The following AFAP1 variants were observed in gnomAD, a reference collection of about 807,000 sequenced individuals.
AFAP1 encodes the protein actin filament associated protein 1.
In AFAP1, 75 loss-of-function variants were observed where a neutral mutation model predicts 93.9. The ratio of observed to expected loss-of-function variants is 0.80; its 90% CI spans 0.66 to 0.97. AFAP1 has a LOEUF of 0.97. AFAP1 is among the 50% of genes least tolerant of loss of function. The probability of loss-of-function intolerance (pLI) is 0.00; values close to 1 mark genes in which losing one functional copy is unlikely to be tolerated. For synonymous variants in AFAP1, 517 were observed against 430.7 expected (o/e 1.20, Z -2.48); for missense variants, 1,201 against 1,050.8 (o/e 1.14, Z -1.98).
chr4:7,786,367 A>G lies in AFAP1; in HGVS notation c.1413-56T>C, dbSNP rs1220173248. On this transcript the variant is annotated intron_variant, in intron 11 of 17. Coordinates refer to ENST00000420658, the MANE Select transcript of AFAP1 (RefSeq NM_001134647.2). ...AACCTGACCACCTTTTACTCCAATCAGTCAAGTCTTTAATGAGTTCTGACT... is the reference window on the plus strand; with the variant it reads ...AACCTGACCACCTTTTACTCCAATCGGTCAAGTCTTTAATGAGTTCTGACT... 8.3e-6 allele frequency: 12 copies of G among 1,439,884 alleles called. No homozygotes were observed. In the East Asian group the frequency reaches 2.7e-4, roughly 33 times the overall value. 89.2% of individuals were successfully genotyped at this position (1,439,884 alleles called of 1,614,324 possible).
At chr4:7,895,852 GTTTTT>G (rs35666187) in intron 1 of AFAP1, among the ~76,000 whole-genome samples, 4 of 110,628 alleles carry the variant, frequency 3.6e-5, no homozygotes, top group East Asian at 5.3e-4. Context: ...TCTTCAGAAA[GTTTTT>G]TTTTTTTTTT....
chr4:7,769,322 C>T (rs1378649652), intron 16 of AFAP1, among the ~76,000 whole-genome samples: 2 of 152,192 alleles, frequency 1.3e-5, no homozygotes, highest in African/African-American at 4.8e-5. Flanking sequence ...CTCTTGCATG[C>T]AGCTGCTGCC....
At chr4:7,809,330 A>T (rs1197910958) in intron 9 of AFAP1, 1 of 223,460 alleles carries the variant, frequency 4.5e-6, no homozygotes, top group Non-Finnish European at 8.6e-6. Flanking sequence ...GTCCTTTAAA[A>T]ACACTTCCAA....
chr4:7,843,421 A>G, intron 4 of AFAP1, 71 bp from the exon 5 acceptor site: 1 of 1,374,472 alleles, frequency 7.3e-7, no homozygotes, highest in Non-Finnish European at 9.8e-7. Flanking sequence ...GCTCAAGAGC[A>G]CGTCCTCTTA....
At chr4:7,886,828 C>G (rs1255896078) in intron 1 of AFAP1, among the ~76,000 whole-genome samples, 97 of 152,176 alleles carry the variant, frequency 6.4e-4, no homozygotes, top group Non-Finnish European at 2.9e-5. Context: ...AGGCTGGTTG[C>G]TAACAAAAGC....
chr4:7,855,708 T>C (rs1714972295), intron 3 of AFAP1, 134 bp from the exon 4 acceptor site: 1 of 742,252 alleles, frequency 1.3e-6, no homozygotes, highest in Non-Finnish European at 2.3e-6. Flanking sequence ...AACCTCATCC[T>C]ACGAAGAGGC....
At chr4:7,904,671 AACT>A (rs1159816874) in intron 1 of AFAP1, among the ~76,000 whole-genome samples, 2 of 151,690 alleles carry the variant, frequency 1.3e-5, no homozygotes, top group African/African-American at 4.8e-5. Flanking sequence ...TTCAAAAGTT[AACT>A]ACTGCCACTA....
chr4:7,828,568 A>G (rs368555918), intron 6 of AFAP1, among the ~76,000 whole-genome samples: 1 of 152,170 alleles, frequency 6.6e-6, no homozygotes, highest in Non-Finnish European at 1.5e-5. Flanking sequence ...CTGCAGGCGT[A>G]TGCGGAGCCT....
chr4:7,854,284 T>C (rs1431072409), intron 4 of AFAP1, among the ~76,000 whole-genome samples: 5 of 152,208 alleles, frequency 3.3e-5, no homozygotes, highest in African/African-American at 1.2e-4. Flanking sequence ...CTATCCCTTT[T>C]CTCATCCAGA....
chr4:7,769,683 CAAAT>C (rs1715150360), intron 16 of AFAP1, among the ~76,000 whole-genome samples: 2 of 152,204 alleles, frequency 1.3e-5, no homozygotes, highest in Non-Finnish European at 2.9e-5. Flanking sequence ...AGCCTTCTCT[CAAAT>C]GAAGTCTCCA....
chr4:7,763,541 C>G lies in AFAP1; in HGVS notation c.*224G>C, dbSNP rs1413056534. The G allele has an allele frequency of 1.8e-6, 1 of 559,944 alleles. No homozygotes were observed. The highest frequency in any genetic ancestry group is 1.9e-5 in the African/African-American group (1 of 52,788). 34.7% of individuals were successfully genotyped at this position (559,944 alleles called of 1,614,324 possible). A position where few individuals can be genotyped will look rare whatever the true frequency, so the allele number is the denominator to read the frequency against. On this transcript the variant is annotated 3_prime_UTR_variant, in exon 18 of 18. Coordinates refer to ENST00000420658, the MANE Select transcript of AFAP1 (RefSeq NM_001134647.2). ...TTCCATCACTTTTTTTGTTTTTTAA[C>G]AAAGTTGGGAACCAAAGTCTTACAT... is the stretch of plus-strand genomic sequence containing the variant.
chr4:7,929,805 G>A (rs1161631060), intron 1 of AFAP1, among the ~76,000 whole-genome samples: 3 of 152,214 alleles, frequency 2.0e-5, no homozygotes, highest in African/African-American at 4.8e-5. Context: ...AAGGGCTACA[G>A]GGAGTGGCCT....
intron 1 of AFAP1, among the ~76,000 whole-genome samples, chr4:7,872,769 T>C (rs1200710533): frequency 1.3e-5 from 2 of 152,084 alleles, no homozygotes; most frequent in Middle Eastern, 3.2e-3. Flanking sequence ...AGGCCCAAAC[T>C]ATTTTCAGAA....
At chr4:7,919,193 TCA>T (rs547978924) in intron 1 of AFAP1, among the ~76,000 whole-genome samples, 71 of 152,268 alleles carry the variant, frequency 4.7e-4, no homozygotes, top group African/African-American at 1.5e-3. Context: ...GGAGGGAAAT[TCA>T]CACAGATTAT....
intron 11 of AFAP1, among the ~76,000 whole-genome samples, chr4:7,791,002 C>A (rs140104583): frequency 1.3e-5 from 2 of 152,310 alleles, no homozygotes; most frequent in African/African-American, 4.8e-5. Context: ...AGAACTATTT[C>A]TTAGCCCCAG....
At chr4:7,936,820 A>G (rs192878575) in intron 1 of AFAP1, among the ~76,000 whole-genome samples, 64 of 152,224 alleles carry the variant, frequency 4.2e-4, no homozygotes, top group African/African-American at 1.5e-3. Flanking sequence ...TAACCTCGTG[A>G]TCTGCCTGCC....
chr4:7,905,887 A>G (rs947091741), intron 1 of AFAP1, among the ~76,000 whole-genome samples: 1 of 152,218 alleles, frequency 6.6e-6, no homozygotes, highest in African/African-American at 2.4e-5. Flanking sequence ...GTGTGGAGGC[A>G]GGCATAAGGG....
intron 4 of AFAP1, among the ~76,000 whole-genome samples, chr4:7,855,034 G>A (rs1001651371): frequency 2.0e-5 from 3 of 152,190 alleles, no homozygotes; most frequent in African/African-American, 4.8e-5. Context: ...TGACAGAGAC[G>A]CCTGTTTGTG....
chr4:7,917,146 T>C (rs1275249004), intron 1 of AFAP1, among the ~76,000 whole-genome samples: 1 of 152,224 alleles, frequency 6.6e-6, no homozygotes, highest in Non-Finnish European at 1.5e-5. Flanking sequence ...ACTCATTTCA[T>C]GTAGCCCGCC....
Sources: allele counts gnomAD v4.1 joint callset (sites outside exome capture counted in the v4.1 genomes callset), GRCh38; gene constraint gnomAD v4.1.1; transcripts MANE v1.5; gene names NCBI Gene and HGNC (gene_info 2026-07-23, HGNC 2026-07-21).